The following IGF2BP2 variants were observed in gnomAD, a reference collection of about 807,000 sequenced individuals.
IGF2BP2 encodes the protein insulin like growth factor 2 mRNA binding protein 2, also known as insulin-like growth factor 2 mRNA-binding protein 2.
A neutral mutation model predicts 75.8 loss-of-function variants in IGF2BP2; 17 were observed. The observed-to-expected ratio is 0.22, with a 90% confidence interval of 0.15 to 0.34. The LOEUF is 0.34. Among genes scored for constraint, IGF2BP2 ranks in the 10% least tolerant of loss-of-function variants. IGF2BP2 has a pLI of 1.00. For missense variants in IGF2BP2, 516 were observed against 772.4 expected, an observed-to-expected ratio of 0.67 and a Z score of 3.93; for synonymous variants, 288 against 295.6, an observed-to-expected ratio of 0.97 and a Z score of 0.26.
chr3:185,680,612 TG>T (rs1329747389), intron 7 of IGF2BP2, among the ~76,000 whole-genome samples: 1 of 152,056 alleles, frequency 6.6e-6, no homozygotes, highest in Non-Finnish European at 1.5e-5. Context: ...CACGACCAAG[TG>T]GGATTTGTTC....
At chr3:185,702,452 A>T (rs1425904990) in intron 2 of IGF2BP2, among the ~76,000 whole-genome samples, 2 of 152,214 alleles carry the variant, frequency 1.3e-5, no homozygotes, top group African/African-American at 4.8e-5. Context: ...AACACACAGT[A>T]ACTTAGGAAA....
At chr3:185,780,298 G>A (rs1735043617) in intron 2 of IGF2BP2, among the ~76,000 whole-genome samples, 2 of 152,194 alleles carry the variant, frequency 1.3e-5, no homozygotes, top group Admixed American at 1.3e-4. Context: ...GAGGTTAAAA[G>A]AGGATTATGA....
intron 2 of IGF2BP2, among the ~76,000 whole-genome samples, chr3:185,805,579 A>C (rs575843079): frequency 6.6e-6 from 1 of 152,194 alleles, no homozygotes; most frequent in East Asian, 1.9e-4. Context: ...CAAAGAAAAA[A>C]AGTTGTTGAG....
intron 2 of IGF2BP2, 74 bp downstream of exon 2, chr3:185,823,079 T>C (rs1432112567): frequency 1.0e-6 from 1 of 957,116 alleles, no homozygotes; most frequent in Admixed American, 2.8e-5. Context: ...AGCACGTTTT[T>C]TAAAGCTGTG....
chr3:185,710,756 CA>C (rs1724687088), intron 2 of IGF2BP2, among the ~76,000 whole-genome samples: 1 of 151,298 alleles, frequency 6.6e-6, no homozygotes, highest in African/African-American at 2.4e-5. Flanking sequence ...AAGAACAAAA[CA>C]AAAAACCTCG....
At chr3:185,651,961 G>A in intron 13 of IGF2BP2, 133 bp downstream of exon 13, 1 of 597,250 alleles carries the variant, frequency 1.7e-6, no homozygotes, top group Non-Finnish European at 2.9e-6. Flanking sequence ...ATGACAGGGT[G>A]AGCCTGAGCT....
At chr3:185,770,021 G>A (rs1035730897) in intron 2 of IGF2BP2, among the ~76,000 whole-genome samples, 3 of 151,750 alleles carry the variant, frequency 2.0e-5, no homozygotes, top group East Asian at 3.9e-4. Flanking sequence ...CCCAAAGTTC[G>A]GCCCCTGGGG....
chr3:185,773,811 A>G (rs1364770728), intron 2 of IGF2BP2, among the ~76,000 whole-genome samples: 1 of 152,094 alleles, frequency 6.6e-6, no homozygotes, highest in African/African-American at 2.4e-5. Flanking sequence ...CATTAGCTCA[A>G]TTTTACTTGC....
intron 7 of IGF2BP2, 138 bp downstream of exon 7, chr3:185,686,919 T>C (rs1721216089): frequency 2.1e-6 from 2 of 932,784 alleles, no homozygotes; most frequent in Admixed American, 2.5e-5. Context: ...TGGGAACAAA[T>C]TTCTTAAACA....
At chr3:185,721,935 A>C (rs1726609625) in intron 2 of IGF2BP2, among the ~76,000 whole-genome samples, 1 of 151,766 alleles carries the variant, frequency 6.6e-6, no homozygotes, top group Admixed American at 6.6e-5. Flanking sequence ...TATGTCTTCT[A>C]TTTACCAACC....
intron 2 of IGF2BP2, among the ~76,000 whole-genome samples, chr3:185,795,340 T>C (rs1737220838): frequency 6.6e-6 from 1 of 152,244 alleles, no homozygotes; most frequent in Non-Finnish European, 1.5e-5. Context: ...TTCCACTGTA[T>C]GTCCATACCA....
At position 185,813,162 on chromosome 3, in the gene IGF2BP2, T is replaced by A. The variant is rs535014894; in HGVS notation, c.239+9991A>T. On this transcript the variant is annotated intron_variant, in intron 2 of 15. Coordinates refer to ENST00000382199, the MANE Select transcript of IGF2BP2 (RefSeq NM_006548.6). ...CTTACCTACTTTACAAATCTAAATC[T>A]CTGTCTTCTTTAATTCAAATAATTG... Among the ~76,000 whole-genome samples, 20 of 152,346 alleles carry A rather than the reference T, an allele frequency of 1.3e-4. No homozygotes were observed. The South Asian group carries it at 3.5e-3, about 27-fold the overall frequency.
At chr3:185,707,295 C>CT (rs1159568857) in intron 2 of IGF2BP2, among the ~76,000 whole-genome samples, 6,528 of 39,940 alleles carry the variant, frequency 0.16, 2,620 homozygotes, top group Non-Finnish European at 0.2. Flanking sequence ...AACGAAGGGG[C>CT]TTTTTTTTTT....
At position 185,643,488 on chromosome 3, in the gene IGF2BP2, C is replaced by T. The variant is rs1328081998; in HGVS notation, c.*2043G>A. Among the ~76,000 whole-genome samples the T allele has an allele frequency of 6.6e-6, 1 of 152,206 alleles. No individual in the cohort carries two copies. Among genetic ancestry groups the T allele is most frequent in the African/African-American group, 2.4e-5 (1 of 41,456 alleles). On this transcript the variant is annotated 3_prime_UTR_variant, in exon 16 of 16. Coordinates refer to ENST00000382199, the MANE Select transcript of IGF2BP2 (RefSeq NM_006548.6). Reference sequence around the variant, plus strand: ...CCCAGGATTTCTGATTCAAGGTGGACCCCAAGAATCTACATTTCTAACAAG... The same window carrying T: ...CCCAGGATTTCTGATTCAAGGTGGATCCCAAGAATCTACATTTCTAACAAG...
chr3:185,721,358 T>C (rs1311099413), intron 2 of IGF2BP2, among the ~76,000 whole-genome samples: 3 of 151,978 alleles, frequency 2.0e-5, no homozygotes, highest in African/African-American at 7.2e-5. Flanking sequence ...CCCACCACAA[T>C]GCCCAGCTAA....
At position 185,824,982 on chromosome 3, in the gene IGF2BP2, G is replaced by A; in HGVS notation, c.-22C>T. On this transcript the variant is annotated 5_prime_UTR_variant, in exon 1 of 16. Coordinates refer to ENST00000382199, the MANE Select transcript of IGF2BP2 (RefSeq NM_006548.6). Reference sequence around the variant, plus strand: ...TCATCCGTCTCTTCCCCGAGAGCCCGCGGCTCCCCCGGCCCGGTACCCGGC... The same window carrying A: ...TCATCCGTCTCTTCCCCGAGAGCCCACGGCTCCCCCGGCCCGGTACCCGGC... The A allele has an allele frequency of 1.4e-6, 2 of 1,476,950 alleles. No individual in the cohort carries two copies. Among genetic ancestry groups the A allele is most frequent in the East Asian group, 2.7e-5 (1 of 36,850 alleles). The allele number at this position is 1,476,950 out of a possible 1,614,324, so 91.5% of individuals were successfully genotyped here. A position where few individuals can be genotyped will look rare whatever the true frequency, so the allele number is the denominator to read the frequency against.
chr3:185,706,273 A>T (rs1724007291), intron 2 of IGF2BP2, among the ~76,000 whole-genome samples: 1 of 152,168 alleles, frequency 6.6e-6, no homozygotes, highest in African/African-American at 2.4e-5. Context: ...GTGGTAGCAC[A>T]TGCCTGTAGT....
At chr3:185,812,269 T>G (rs1739998463) in intron 2 of IGF2BP2, among the ~76,000 whole-genome samples, 1 of 152,182 alleles carries the variant, frequency 6.6e-6, no homozygotes, top group Non-Finnish European at 1.5e-5. Flanking sequence ...TTGTTTTCGA[T>G]GAATGAATGG....
chr3:185,692,638 C>G lies in IGF2BP2; in HGVS notation c.404+61G>C, dbSNP rs141287640. 1.7e-4 allele frequency: 233 copies of G among 1,368,204 alleles called. 1 individual carries two copies. Among genetic ancestry groups the G allele is most frequent in the Middle Eastern group, 5.4e-4 (3 of 5,506 alleles). The allele number at this position is 1,368,204 out of a possible 1,614,324, so 84.8% of individuals were successfully genotyped here. On this transcript the variant is annotated intron_variant, in intron 5 of 15. Coordinates refer to ENST00000382199, the MANE Select transcript of IGF2BP2 (RefSeq NM_006548.6). Reference sequence around the variant, plus strand: ...AGAAAACATTTAAAAACACAGAACTCAATGGAATTCAAATATAAAAACAAA... The same window carrying G: ...AGAAAACATTTAAAAACACAGAACTGAATGGAATTCAAATATAAAAACAAA...
Sources: gnomAD v4.1 joint callset for allele counts (sites outside exome capture counted in the v4.1 genomes callset) on GRCh38, gnomAD v4.1.1 for gene constraint, MANE v1.5 for transcripts, NCBI Gene and HGNC (gene_info 2026-07-23, HGNC 2026-07-21) for gene names.